FAM149B1: variants seen among roughly 807,000 people sequenced by gnomAD.
The protein encoded by FAM149B1 is primary cilium assembly protein FAM149B1.
FAM149B1 carries 56 observed loss-of-function variants against 75.3 expected under a neutral mutation model. That is an observed-to-expected ratio of 0.74 (90% CI 0.60 to 0.93). FAM149B1 has a LOEUF of 0.93. Ranked by LOEUF, FAM149B1 falls within the 40% of genes least tolerant of loss-of-function variation. The pLI is 0.00. For synonymous variants in FAM149B1, 259 were observed against 256.1 expected (o/e 1.01, Z -0.11); for missense variants, 639 against 708.4 (o/e 0.90, Z 1.11).
At chr10:73,174,966 A>G (rs1250694339) in intron 2 of FAM149B1, among the ~76,000 whole-genome samples, 175 bp downstream of exon 2, 1 of 152,236 alleles carries the variant, frequency 6.6e-6, no homozygotes, top group East Asian at 1.9e-4. Context: ...AACATCATAC[A>G]TATTTTCATA....
At chr10:73,229,436 A>G (rs993746335) in intron 8 of FAM149B1, among the ~76,000 whole-genome samples, 1 of 152,200 alleles carries the variant, frequency 6.6e-6, no homozygotes, top group Non-Finnish European at 1.5e-5. Context: ...CTAGCTGGGC[A>G]TGGTGGCAGG....
intron 8 of FAM149B1, among the ~76,000 whole-genome samples, chr10:73,229,375 G>C (rs915671277): frequency 6.6e-6 from 1 of 152,180 alleles, no homozygotes; most frequent in Non-Finnish European, 1.5e-5. Context: ...AGGAGTTCAA[G>C]ACCAGCCTGG....
In FAM149B1 at chr10:73,243,527, A is replaced by G; in HGVS notation, c.*2508A>G. On this transcript the variant is annotated 3_prime_UTR_variant, in exon 14 of 14. Transcript: ENST00000242505. ...CCGATCCTTTTGTCTGCTCTGTTTG[A>G]GAAGTTAAAACACAAGCTTTCACAA... The G allele has an allele frequency of 6.2e-7, 1 of 1,613,900 alleles. No individual in the cohort carries two copies. Among genetic ancestry groups the G allele is most frequent in the Non-Finnish European group, 8.5e-7 (1 of 1,179,972 alleles).
At chr10:73,170,235 C>T (rs185468156) in intron 1 of FAM149B1, among the ~76,000 whole-genome samples, 19 of 151,878 alleles carry the variant, frequency 1.3e-4, no homozygotes, top group Admixed American at 6.6e-4. Context: ...ATGGTGTGGA[C>T]CCCCACACCT....
rs534159055 is a variant in FAM149B1 at position 73,243,034 on chromosome 10, G to C, written c.*2015G>C. The stretch of plus-strand genomic sequence containing the variant: ...CTGGAAGGTGTTCTAGCTGGGTAGA[G>C]AGCCTATTCTAACAGACACGCACAT... On this transcript the variant is annotated 3_prime_UTR_variant, in exon 14 of 14. Transcript: ENST00000242505. 5.1e-4 allele frequency: 100 copies of C among 195,032 alleles called. No homozygotes were observed. Among genetic ancestry groups the C allele is most frequent in the Non-Finnish European group, 8.1e-4 (77 of 94,712 alleles). 12.1% of individuals were successfully genotyped at this position (195,032 alleles called of 1,614,324 possible). A position where few individuals can be genotyped will look rare whatever the true frequency, so the allele number is the denominator to read the frequency against.
chr10:73,225,499 A>C (rs1052785399), intron 7 of FAM149B1, among the ~76,000 whole-genome samples: 1 of 152,258 alleles, frequency 6.6e-6, no homozygotes, highest in Non-Finnish European at 1.5e-5. Flanking sequence ...TAAAGAAAAA[A>C]TATTTTTGTA....
intron 3 of FAM149B1, chr10:73,192,080 A>G: frequency 6.6e-6 from 1 of 152,446 alleles, no homozygotes; most frequent in Non-Finnish European, 1.4e-5. Flanking sequence ...TTGTGTTTTT[A>G]GTACAGATGG....
intron 5 of FAM149B1, among the ~76,000 whole-genome samples, chr10:73,208,385 T>C (rs563339733): frequency 7.9e-5 from 12 of 152,334 alleles, no homozygotes; most frequent in Admixed American, 2.0e-4. Context: ...GCTGTTTGCA[T>C]CTGAAAAGAC....
At position 73,241,000 on chromosome 10, in the gene FAM149B1, G is replaced by A. The variant is rs563864481; in HGVS notation, c.1730G>A (p.Arg577Gln). 2.3e-5 allele frequency: 35 copies of A among 1,541,518 alleles called. No homozygotes were observed. Among genetic ancestry groups the A allele is most frequent in the South Asian group, 7.2e-5 (6 of 83,784 alleles). ...CAAAGCGGAGGCAGACCAGTCTCTC[G>A]AACCAGGCAGGGACCATAAGGCAAA... ...KSQSGGRPVS[R>Q]TRQGP The change falls in exon 14 of 14, where the codon CGA becomes CAA. Residue 577 changes from arginine to glutamine, a missense_variant. By Grantham distance (43) the Arg-to-Gln change is conservative (BLOSUM62 1). Transcript: ENST00000242505.
intron 7 of FAM149B1, among the ~76,000 whole-genome samples, chr10:73,213,079 T>C (rs1471104918): frequency 6.6e-6 from 1 of 152,164 alleles, no homozygotes; most frequent in Non-Finnish European, 1.5e-5. Context: ...ACTCCTGGGC[T>C]CAAGCGATCT....
intron 1 of FAM149B1, among the ~76,000 whole-genome samples, chr10:73,172,657 G>A (rs1843763110): frequency 6.6e-6 from 1 of 152,108 alleles, no homozygotes; most frequent in Non-Finnish European, 1.5e-5. Flanking sequence ...AACATATATT[G>A]ATTGACCCCA....
chr10:73,168,346 T>G lies in FAM149B1; in HGVS notation c.7T>G (p.Ser3Ala), dbSNP rs769007685. Residue 3 changes from serine (S) to alanine (A), a missense_variant, in exon 1 of 14, where the codon TCC becomes GCC. Ser to Ala is a moderately conservative substitution (Grantham distance 99, BLOSUM62 1). Coordinates refer to ENST00000242505, the MANE Select transcript of FAM149B1 (RefSeq NM_173348.2). MI[S>A]RYTRKAVPQS... ...GAGGAGGAGGAGGAGGAGGATGATC[T>G]CCAGATACACTCGGAAGGCGGTGCC... 5 of 1,549,154 alleles carry G rather than the reference T, an allele frequency of 3.2e-6. No individual in the cohort carries two copies. The South Asian group carries it at 4.8e-5, about 15-fold the overall frequency.
At chr10:73,212,451 T>G (rs1161311721) in intron 7 of FAM149B1, among the ~76,000 whole-genome samples, 1 of 152,108 alleles carries the variant, frequency 6.6e-6, no homozygotes, top group African/African-American at 2.4e-5. Context: ...CAGCTAATTT[T>G]TTGTATTTTT....
intron 12 of FAM149B1, among the ~76,000 whole-genome samples, chr10:73,237,421 C>T (rs1254041234): frequency 2.7e-5 from 4 of 145,862 alleles, no homozygotes; most frequent in African/African-American, 7.5e-5. Context: ...TTCTCTGAAA[C>T]TTTTTTTTTT....
intron 8 of FAM149B1, among the ~76,000 whole-genome samples, chr10:73,230,092 T>G (rs187928157): frequency 3.1e-4 from 47 of 152,294 alleles, no homozygotes; most frequent in Middle Eastern, 3.4e-3. Context: ...TTGTTCCATA[T>G]TTTGTCTGTG....
chr10:73,221,497 GA>G (rs2043413988), intron 7 of FAM149B1, among the ~76,000 whole-genome samples: 1 of 152,030 alleles, frequency 6.6e-6, no homozygotes, highest in Non-Finnish European at 1.5e-5. Context: ...CATTGTTTCT[GA>G]AAAGAAATTT....
At chr10:73,183,709 G>A (rs1218913542) in intron 3 of FAM149B1, 1 of 152,138 alleles carries the variant, frequency 6.6e-6, no homozygotes, top group African/African-American at 2.4e-5. Flanking sequence ...CTGTTTAAAG[G>A]CTTTGCAAAT....
At chr10:73,208,524 C>A in intron 5 of FAM149B1, 95 bp from the exon 6 acceptor site, 1 of 755,540 alleles carries the variant, frequency 1.3e-6, no homozygotes. Flanking sequence ...ATTGCCAGGG[C>A]AAGGGGAGTT....
intron 12 of FAM149B1, among the ~76,000 whole-genome samples, chr10:73,237,103 A>C (rs2043839687): frequency 1.3e-5 from 2 of 151,954 alleles, no homozygotes; most frequent in Admixed American, 1.3e-4. Flanking sequence ...TTTAGGGCCC[A>C]CCCTAATCTA....
Sources: allele counts gnomAD v4.1 joint callset (sites outside exome capture counted in the v4.1 genomes callset), GRCh38; gene constraint gnomAD v4.1.1; transcripts MANE v1.5; gene names NCBI Gene and HGNC (gene_info 2026-07-23, HGNC 2026-07-21).